The following PTPRD variants were observed in gnomAD, a reference collection of about 807,000 sequenced individuals.
PTPRD encodes the protein receptor-type tyrosine-protein phosphatase delta.
A neutral mutation model predicts 214.5 loss-of-function variants in PTPRD; 34 were observed. The ratio of observed to expected loss-of-function variants is 0.16; its 90% CI spans 0.12 to 0.21. The LOEUF (loss-of-function observed/expected upper bound fraction) is 0.21, where lower values mean the gene tolerates loss of function less well. PTPRD is among the 10% of genes least tolerant of loss of function. PTPRD has a pLI of 1.00. For synonymous variants in PTPRD, 1,128 were observed against 845.7 expected (o/e 1.33, Z -5.79); for missense variants, 2,545 against 2,398.7 (o/e 1.06, Z -1.27).
chr9:9,976,574 G>A (rs1265422952), intron 4 of PTPRD, among the ~76,000 whole-genome samples: 1 of 149,278 alleles, frequency 6.7e-6, no homozygotes, highest in South Asian at 2.1e-4. Context: ...TTTTAGTAGA[G>A]ATGGGGTTTC....
chr9:9,165,173 A>G (rs1467585298), intron 10 of PTPRD, among the ~76,000 whole-genome samples: 1 of 152,122 alleles, frequency 6.6e-6, no homozygotes, highest in Non-Finnish European at 1.5e-5. Context: ...TAGATTATAG[A>G]TGTGAATAAG....
intron 11 of PTPRD, among the ~76,000 whole-genome samples, chr9:8,829,534 C>T (rs1288872939): frequency 1.3e-5 from 2 of 152,040 alleles, no homozygotes; most frequent in African/African-American, 2.4e-5. Context: ...TTATTATAAT[C>T]CTATGGAAAT....
chr9:10,419,328 C>G (rs961508399), intron 2 of PTPRD, among the ~76,000 whole-genome samples: 1 of 151,846 alleles, frequency 6.6e-6, no homozygotes, highest in Admixed American at 6.6e-5. Flanking sequence ...GCACACTGGT[C>G]GCTTCTCTCC....
intron 2 of PTPRD, among the ~76,000 whole-genome samples, chr9:10,426,652 A>T (rs1055181763): frequency 6.6e-6 from 1 of 152,124 alleles, no homozygotes; most frequent in African/African-American, 2.4e-5. Context: ...AAACAACTGC[A>T]GAATCAACAA....
intron 2 of PTPRD, among the ~76,000 whole-genome samples, chr9:10,375,599 T>A (rs1052914145): frequency 6.6e-6 from 1 of 152,020 alleles, no homozygotes; most frequent in Admixed American, 6.6e-5. Context: ...ACAAAAAGAA[T>A]AGTTCAGTAA....
chr9:9,108,934 AGAG>A (rs2099802403), intron 10 of PTPRD, among the ~76,000 whole-genome samples: 1 of 152,182 alleles, frequency 6.6e-6, no homozygotes, highest in African/African-American at 2.4e-5. Context: ...ATTTCCACTT[AGAG>A]ATACGACTGG....
chr9:9,926,260 C>A (rs1001130365), intron 5 of PTPRD, among the ~76,000 whole-genome samples: 1 of 152,070 alleles, frequency 6.6e-6, no homozygotes, highest in African/African-American at 2.4e-5. Context: ...TTGAGAATAA[C>A]TGTATGGTAG....
intron 14 of PTPRD, among the ~76,000 whole-genome samples, chr9:8,532,826 G>A (rs182020182): frequency 6.6e-6 from 1 of 152,060 alleles, no homozygotes. Context: ...TAATAGACCT[G>A]GAAATATAGC....
chr9:10,004,278 G>C (rs1254129692), intron 4 of PTPRD, among the ~76,000 whole-genome samples: 1 of 151,856 alleles, frequency 6.6e-6, no homozygotes, highest in Non-Finnish European at 1.5e-5. Flanking sequence ...GCAATCATTA[G>C]GCTATATTAA....
intron 2 of PTPRD, among the ~76,000 whole-genome samples, chr9:10,477,569 G>A (rs1176982437): frequency 1.3e-5 from 2 of 152,172 alleles, no homozygotes; most frequent in African/African-American, 4.8e-5. Context: ...GGAAGACAGT[G>A]TGGTGATTCT....
In PTPRD at chr9:10,232,500, A is replaced by G. The variant is rs377260462; in HGVS notation, c.-545+108463T>C. On this transcript the variant is annotated intron_variant, in intron 3 of 45. Transcript: ENST00000381196. ...AAGAGTACAACAAAGCATCACTTCT[A>G]CTAAATCGATTTGTATCATATTCAG... Among the ~76,000 whole-genome samples, 527 of 152,112 alleles carry G rather than the reference A, an allele frequency of 3.5e-3. 3 individuals are homozygous for G. Among genetic ancestry groups the G allele is most frequent in the African/African-American group, 0.012 (503 of 41,554 alleles).
At chr9:9,565,384 C>CA (rs1361094483) in intron 8 of PTPRD, among the ~76,000 whole-genome samples, 2 of 151,542 alleles carry the variant, frequency 1.3e-5, no homozygotes, top group Non-Finnish European at 3.0e-5. Flanking sequence ...TTTAAAATTG[C>CA]AAAAAATTGC....
At chr9:8,755,809 T>A (rs1431515727) in intron 11 of PTPRD, among the ~76,000 whole-genome samples, 1 of 152,126 alleles carries the variant, frequency 6.6e-6, no homozygotes, top group Non-Finnish European at 1.5e-5. Context: ...TCAAATTGTC[T>A]TGGAAACATA....
intron 18 of PTPRD, 125 bp from the exon 19 acceptor site, chr9:8,523,649 C>G (rs189890406): frequency 1.0e-6 from 1 of 974,630 alleles, no homozygotes; most frequent in African/African-American, 1.7e-5. Flanking sequence ...CATCTTTATT[C>G]GCTCTAGTTC....
At chr9:8,659,519 T>C (rs1254371714) in intron 12 of PTPRD, among the ~76,000 whole-genome samples, 1 of 152,252 alleles carries the variant, frequency 6.6e-6, no homozygotes, top group Admixed American at 6.5e-5. Flanking sequence ...CATCCAGGAA[T>C]ATATCTTTGA....
At chr9:9,089,045 G>C (rs1232558093) in intron 10 of PTPRD, among the ~76,000 whole-genome samples, 2 of 152,066 alleles carry the variant, frequency 1.3e-5, no homozygotes, top group Non-Finnish European at 2.9e-5. Context: ...TTACCCCCTA[G>C]TAAAAAGAAG....
At chr9:8,331,911 A>ACACT (rs1445224647) in intron 43 of PTPRD, among the ~76,000 whole-genome samples, 175 bp from the exon 44 acceptor site, 1 of 150,920 alleles carries the variant, frequency 6.6e-6, no homozygotes, top group Non-Finnish European at 1.5e-5. Flanking sequence ...AATATTGTCC[A>ACACT]CACTCACATA....
chr9:10,042,494 C>T (rs534430749), intron 3 of PTPRD, among the ~76,000 whole-genome samples: 3 of 152,028 alleles, frequency 2.0e-5, no homozygotes, highest in Admixed American at 6.6e-5. Flanking sequence ...TAGAATTCCA[C>T]CCTCAGCACT....
intron 3 of PTPRD, among the ~76,000 whole-genome samples, chr9:10,245,379 A>T (rs1056467700): frequency 1.1e-4 from 16 of 152,206 alleles, no homozygotes. Flanking sequence ...GTATTTAATC[A>T]CACCATTTTA....
Sources: gnomAD v4.1 joint callset for allele counts (sites outside exome capture counted in the v4.1 genomes callset) on GRCh38, gnomAD v4.1.1 for gene constraint, MANE v1.5 for transcripts, NCBI Gene and HGNC (gene_info 2026-07-23, HGNC 2026-07-21) for gene names.